The following RIC1 variants were observed in gnomAD, a reference collection of about 807,000 sequenced individuals.
RIC1 encodes the protein RIC1 partner of RAB6A GEF complex, also known as guanine nucleotide exchange factor subunit RIC1.
A neutral mutation model predicts 169.0 loss-of-function variants in RIC1; 88 were observed. The observed-to-expected ratio is 0.52, with a 90% CI of 0.44 to 0.62. The LOEUF (loss-of-function observed/expected upper bound fraction) is 0.62, where lower values mean the gene tolerates loss of function less well. Ranked by LOEUF, RIC1 falls within the 20% of genes least tolerant of loss-of-function variation. The pLI, the probability that RIC1 is intolerant of heterozygous loss-of-function variation, is 0.00. For synonymous variants in RIC1, 790 were observed against 601.5 expected (o/e 1.31, Z -4.59); for missense variants, 1,877 against 1,725.5 (o/e 1.09, Z -1.56).
At chr9:5,709,883 T>C (rs1204651153) in intron 3 of RIC1, among the ~76,000 whole-genome samples, 1 of 152,210 alleles carries the variant, frequency 6.6e-6, no homozygotes, top group Admixed American at 6.5e-5. Context: ...AAATTTGCTT[T>C]AAAGTTCTTG....
intron 1 of RIC1, among the ~76,000 whole-genome samples, chr9:5,640,987 A>C (rs918654494): frequency 6.6e-6 from 1 of 151,358 alleles, no homozygotes; most frequent in Admixed American, 6.6e-5. Flanking sequence ...TTGGAGCTCT[A>C]TTGTATGTTA....
At chr9:5,724,804 A>G (rs550566162) in intron 6 of RIC1, among the ~76,000 whole-genome samples, 2 of 152,236 alleles carry the variant, frequency 1.3e-5, no homozygotes, top group African/African-American at 4.8e-5. Flanking sequence ...TTCTGCATCT[A>G]TTGAGATAAT....
chr9:5,649,672 ATTTCT>A (rs1818699122), intron 1 of RIC1, among the ~76,000 whole-genome samples: 1 of 148,322 alleles, frequency 6.7e-6, no homozygotes, highest in African/African-American at 2.5e-5. Context: ...CATTTCATAA[ATTTCT>A]TTTTTATTAG....
intron 22 of RIC1, 166 bp downstream of exon 22, chr9:5,769,422 A>C (rs762325389): frequency 7.1e-6 from 11 of 1,544,106 alleles, no homozygotes; most frequent in Non-Finnish European, 9.6e-6. Flanking sequence ...TGTTTGACCA[A>C]AGATGTAAAT....
chr9:5,769,310 A>G (rs1162564447), intron 22 of RIC1, 54 bp downstream of exon 22: 1 of 1,613,986 alleles, frequency 6.2e-7, no homozygotes, highest in South Asian at 1.1e-5. Flanking sequence ...TACTCCGTGT[A>G]TTTACACATT....
chr9:5,684,112 C>G (rs1314850640), intron 2 of RIC1, among the ~76,000 whole-genome samples: 3 of 152,068 alleles, frequency 2.0e-5, no homozygotes, highest in African/African-American at 7.2e-5. Flanking sequence ...TGATGCCTTG[C>G]CCTGCTTCAG....
intron 8 of RIC1, among the ~76,000 whole-genome samples, chr9:5,740,396 G>C (rs765588652): frequency 6.6e-6 from 1 of 151,972 alleles, no homozygotes; most frequent in African/African-American, 2.4e-5. Context: ...TGTACCTCTA[G>C]AATCACTCCT....
intron 2 of RIC1, among the ~76,000 whole-genome samples, chr9:5,673,170 G>A (rs1014805752): frequency 3.3e-5 from 5 of 151,636 alleles, no homozygotes; most frequent in African/African-American, 7.3e-5. Context: ...CAATGCTTAG[G>A]GACAATTATT....
intron 3 of RIC1, among the ~76,000 whole-genome samples, chr9:5,691,495 C>T (rs2130719217): frequency 1.3e-5 from 2 of 151,916 alleles, no homozygotes; most frequent in East Asian, 3.9e-4. Flanking sequence ...TTCAATTTAA[C>T]TTGTTTATTT....
intron 2 of RIC1, among the ~76,000 whole-genome samples, chr9:5,688,188 A>G (rs200820745): frequency 2.6e-5 from 2 of 77,438 alleles, no homozygotes; most frequent in African/African-American, 6.5e-5. Context: ...CATTGTTTTG[A>G]TTGGTTGATT....
chr9:5,763,460 G>A lies in RIC1; in HGVS notation c.2433G>A (p.Leu811=), dbSNP rs373763355. 1 of 1,614,014 alleles carries A rather than the reference G, an allele frequency of 6.2e-7. No homozygotes were observed. Among genetic ancestry groups the A allele is most frequent in the South Asian group, 1.1e-5 (1 of 91,084 alleles). The part of the protein sequence containing the change: ...LYTRNNAREQ[L]EVLFPFCVVE... ...CTCGGAACAATGCTAGAGAACAGCT[G>A]GAGGTGCTCTTCCCTTTCTGTGTTG... Residue 811 remains leucine, a synonymous_variant, in exon 19 of 26, where the codon CTG becomes CTA. Coordinates refer to ENST00000414202, the MANE Select transcript of RIC1 (RefSeq NM_020829.4). This position sits in a 1 kb window ranked among gnomAD's most constrained non-coding sequence, Gnocchi z 5.2.
At chr9:5,683,836 C>T (rs919953699) in intron 2 of RIC1, among the ~76,000 whole-genome samples, 8 of 152,188 alleles carry the variant, frequency 5.3e-5, no homozygotes, top group African/African-American at 1.7e-4. Flanking sequence ...ACTCAAGCCT[C>T]GGGAATGGCG....
intron 1 of RIC1, among the ~76,000 whole-genome samples, chr9:5,633,637 G>A (rs757008813): frequency 2.0e-5 from 3 of 151,954 alleles, no homozygotes; most frequent in Admixed American, 1.3e-4. Context: ...TGTGCTGTGC[G>A]ATACTTAGAT....
chr9:5,720,917 A>G (rs1300534694), intron 6 of RIC1, among the ~76,000 whole-genome samples, 167 bp downstream of exon 6: 1 of 152,206 alleles, frequency 6.6e-6, no homozygotes, highest in African/African-American at 2.4e-5. Context: ...TCTCTTGGAC[A>G]TGTTAAAGAA....
chr9:5,761,214 A>G (rs1295531996), intron 17 of RIC1, among the ~76,000 whole-genome samples: 3 of 148,076 alleles, frequency 2.0e-5, no homozygotes, highest in South Asian at 2.1e-4. Flanking sequence ...CCCGGGTTCA[A>G]GTGATTCTCC....
chr9:5,652,115 T>A (rs1563870171), intron 1 of RIC1, among the ~76,000 whole-genome samples: 1 of 152,114 alleles, frequency 6.6e-6, no homozygotes, highest in Non-Finnish European at 1.5e-5. Context: ...TAATACAGCT[T>A]TGTAGTATAT....
intron 21 of RIC1, 105 bp from the exon 22 acceptor site, chr9:5,768,865 G>T: frequency 8.2e-7 from 1 of 1,213,188 alleles, no homozygotes; most frequent in Non-Finnish European, 1.1e-6. Context: ...ATTAGATCTT[G>T]GATCTCTTAT....
chr9:5,732,265 T>C, intron 6 of RIC1, 123 bp from the exon 7 acceptor site: 2 of 722,768 alleles, frequency 2.8e-6, no homozygotes, highest in Non-Finnish European at 4.7e-6. Flanking sequence ...TGGGATATTT[T>C]CCTCTGCAGA....
intron 8 of RIC1, 59 bp from the exon 9 acceptor site, chr9:5,742,810 A>AAAC (rs991855721): frequency 3.4e-6 from 5 of 1,469,760 alleles, no homozygotes; most frequent in African/African-American, 2.9e-5. Context: ...AAAAAAAAAA[A>AAAC]AAACAAGTAT....
Sources: allele counts gnomAD v4.1 joint callset (sites outside exome capture counted in the v4.1 genomes callset), GRCh38; gene constraint gnomAD v4.1.1; non-coding constraint Gnocchi (gnomAD v3.1); transcripts MANE v1.5; gene names NCBI Gene and HGNC (gene_info 2026-07-23, HGNC 2026-07-21).